The following PPP1R9A variants were observed in gnomAD, a reference collection of about 807,000 sequenced individuals.
PPP1R9A encodes the protein neurabin-1.
A neutral mutation model predicts 141.9 loss-of-function variants in PPP1R9A; 59 were observed. That is an observed-to-expected ratio of 0.42 (90% CI 0.34 to 0.52). The LOEUF (loss-of-function observed/expected upper bound fraction) is 0.52. Ranked by LOEUF, PPP1R9A falls within the 20% of genes least tolerant of loss-of-function variation. The pLI, the probability that PPP1R9A is intolerant of heterozygous loss-of-function variation, is 0.10. For synonymous variants in PPP1R9A, 500 were observed against 569.7 expected (o/e 0.88, Z 1.74); for missense variants, 1,444 against 1,611.9 (o/e 0.90, Z 1.78).
intron 8 of PPP1R9A, among the ~76,000 whole-genome samples, chr7:95,229,533 AG>A (rs1198900173): frequency 3.9e-5 from 6 of 151,906 alleles, no homozygotes; most frequent in South Asian, 2.1e-4. Flanking sequence ...ATGACTCATC[AG>A]AGGCAGCCAT....
At chr7:95,216,467 A>T (rs1334201769) in intron 7 of PPP1R9A, among the ~76,000 whole-genome samples, 8 of 152,134 alleles carry the variant, frequency 5.3e-5, no homozygotes, top group Admixed American at 5.2e-4. Context: ...TTGGTTCCGT[A>T]TGAACTTTAG....
chr7:95,254,475 A>G (rs142608450), intron 12 of PPP1R9A, among the ~76,000 whole-genome samples: 47 of 152,170 alleles, frequency 3.1e-4, no homozygotes, highest in Admixed American at 1.5e-3. Context: ...TCCATCACCA[A>G]CGTTTTGTAC....
intron 4 of PPP1R9A, among the ~76,000 whole-genome samples, chr7:95,132,824 A>G (rs2152533851): frequency 6.6e-6 from 1 of 152,280 alleles, no homozygotes; most frequent in East Asian, 1.9e-4. Flanking sequence ...GCATCTAGAC[A>G]AGGGTAATGT....
At chr7:95,084,940 G>A (rs1427775812) in intron 2 of PPP1R9A, among the ~76,000 whole-genome samples, 1 of 151,964 alleles carries the variant, frequency 6.6e-6, no homozygotes, top group Non-Finnish European at 1.5e-5. Context: ...GTGTCTCCAT[G>A]TGAACTAGCC....
chr7:95,018,265 A>G, intron 2 of PPP1R9A: 1 of 230,770 alleles, frequency 4.3e-6, no homozygotes, highest in Non-Finnish European at 9.9e-6. Context: ...TCATTCAGTA[A>G]CCCTTACTCA....
chr7:95,268,368 CTT>C (rs1301115556), intron 12 of PPP1R9A, among the ~76,000 whole-genome samples, 180 bp from the exon 13 acceptor site: 5 of 151,846 alleles, frequency 3.3e-5, no homozygotes, highest in Admixed American at 2.6e-4. Context: ...CTTCCTTTGA[CTT>C]TGTATATTTC....
rs117839485 is a variant in PPP1R9A, at chr7:95,205,104, G to A, written c.1956+1374G>A. ...CTCTCTAGAAATATTCTTCATATAT[G>A]GAGATGTTATTTTTTAATACACTGT... On this transcript the variant is annotated intron_variant, in intron 7 of 19. Coordinates refer to ENST00000433360, the MANE Select transcript of PPP1R9A (RefSeq NM_001166160.2). 9.3e-4 allele frequency among the ~76,000 whole-genome samples: 142 copies of A among 152,192 alleles called. 1 individual carries two copies. In the East Asian group the frequency reaches 0.022, roughly 24 times the overall value.
chr7:95,253,653 T>C (rs2153012456), intron 12 of PPP1R9A, among the ~76,000 whole-genome samples: 2 of 152,274 alleles, frequency 1.3e-5, no homozygotes, highest in Admixed American at 1.3e-4. Context: ...AAGTAGTATT[T>C]CCTTCTTCAC....
intron 2 of PPP1R9A, among the ~76,000 whole-genome samples, chr7:94,918,066 A>G (rs773959426): frequency 6.6e-6 from 1 of 151,748 alleles, no homozygotes; most frequent in African/African-American, 2.4e-5. Flanking sequence ...TTTACCTGAT[A>G]TTTTTCTTGA....
At chr7:95,108,547 T>C (rs900721408) in intron 2 of PPP1R9A, among the ~76,000 whole-genome samples, 56 of 152,092 alleles carry the variant, frequency 3.7e-4, no homozygotes, top group African/African-American at 1.3e-3. Flanking sequence ...CCTGACCTCA[T>C]GATCTGCCCA....
At chr7:94,930,827 G>A (rs1385819026) in intron 2 of PPP1R9A, among the ~76,000 whole-genome samples, 1 of 152,148 alleles carries the variant, frequency 6.6e-6, no homozygotes, top group Non-Finnish European at 1.5e-5. Flanking sequence ...TACCTATTTA[G>A]CCATTTAAAA....
intron 2 of PPP1R9A, among the ~76,000 whole-genome samples, chr7:95,035,009 A>G (rs1015120760): frequency 6.6e-6 from 1 of 152,196 alleles, no homozygotes; most frequent in Non-Finnish European, 1.5e-5. Flanking sequence ...ACCAACATCC[A>G]TGATGTTTTC....
At chr7:95,003,003 A>G (rs917373531) in intron 2 of PPP1R9A, among the ~76,000 whole-genome samples, 3 of 152,180 alleles carry the variant, frequency 2.0e-5, no homozygotes, top group African/African-American at 7.2e-5. Flanking sequence ...TGCCAGTGTC[A>G]TCATAACTTG....
At chr7:94,960,419 C>A (rs891327588) in intron 2 of PPP1R9A, among the ~76,000 whole-genome samples, 1 of 151,612 alleles carries the variant, frequency 6.6e-6, no homozygotes, top group African/African-American at 2.4e-5. Flanking sequence ...AAAAAGTACA[C>A]TGATACTAAT....
chr7:94,949,766 T>A (rs1400604445), intron 2 of PPP1R9A, among the ~76,000 whole-genome samples: 1 of 151,998 alleles, frequency 6.6e-6, no homozygotes, highest in Non-Finnish European at 1.5e-5. Flanking sequence ...GGGAGGTGAA[T>A]CATAGGGTGT....
chr7:95,286,828 G>T (rs908605625), intron 18 of PPP1R9A, among the ~76,000 whole-genome samples: 1 of 152,162 alleles, frequency 6.6e-6, no homozygotes, highest in African/African-American at 2.4e-5. Flanking sequence ...ATGTGTACAA[G>T]AGAGTCAGGA....
chr7:95,147,951 A>C (rs1827943047), intron 4 of PPP1R9A, among the ~76,000 whole-genome samples: 1 of 152,120 alleles, frequency 6.6e-6, no homozygotes, highest in African/African-American at 2.4e-5. Flanking sequence ...ATTGGCCTGA[A>C]ATTTTCTTTT....
chr7:95,255,352 A>C (rs1799430179), intron 12 of PPP1R9A, among the ~76,000 whole-genome samples: 1 of 152,138 alleles, frequency 6.6e-6, no homozygotes, highest in South Asian at 2.1e-4. Flanking sequence ...AAATATTTTG[A>C]AGGCTGGTTT....
At position 95,154,925 on chromosome 7, in the gene PPP1R9A, A is replaced by G. The variant is rs866416083; in HGVS notation, c.1650-6942A>G. On this transcript the variant is annotated intron_variant, in intron 4 of 19. Transcript: ENST00000433360. ...ACTCTCATTCCTTGTCATGTCTCATATGAAGGACAAGAAATCCCTTTAATC... is the reference window on the plus strand; with the variant it reads ...ACTCTCATTCCTTGTCATGTCTCATGTGAAGGACAAGAAATCCCTTTAATC... 8 of 152,290 alleles carry G rather than the reference A, an allele frequency of 5.3e-5. No individual in the cohort carries two copies. The Middle Eastern group carries it at 0.01, about 194-fold the overall frequency. 9.4% of individuals were successfully genotyped at this position (152,290 alleles called of 1,614,324 possible). A position where few individuals can be genotyped will look rare whatever the true frequency, so the allele number is the denominator to read the frequency against.
Sources: allele counts gnomAD v4.1 joint callset (sites outside exome capture counted in the v4.1 genomes callset), GRCh38; gene constraint gnomAD v4.1.1; transcripts MANE v1.5; gene names NCBI Gene and HGNC (gene_info 2026-07-23, HGNC 2026-07-21).